GRK1: variants seen among roughly 807,000 people sequenced by gnomAD.
GRK1 encodes rhodopsin kinase GRK1.
A neutral mutation model predicts 41.7 loss-of-function variants in GRK1; 28 were observed. The ratio of observed to expected loss-of-function variants is 0.67; its 90% CI spans 0.50 to 0.92. The LOEUF (loss-of-function observed/expected upper bound fraction) is 0.92, where lower values mean the gene tolerates loss of function less well. Ranked by LOEUF, GRK1 falls within the 40% of genes least tolerant of loss-of-function variation. GRK1 has a pLI of 0.00. For missense variants in GRK1, 703 were observed against 671.2 expected (o/e 1.05, Z -0.52); for synonymous variants, 327 against 286.7 (o/e 1.14, Z -1.42).
chr13:113,730,048 C>G (rs1409938848), intron 4 of GRK1, among the ~76,000 whole-genome samples: 1 of 149,886 alleles, frequency 6.7e-6, no homozygotes, highest in Non-Finnish European at 1.5e-5. Context: ...CACCCAGACC[C>G]GTCCCTCCAT....
intron 6 of GRK1, among the ~76,000 whole-genome samples, chr13:113,733,506 TGCACGTGTGTGTGCATGTGTGC>T (rs1304174994): frequency 6.8e-6 from 1 of 146,116 alleles, no homozygotes; most frequent in Non-Finnish European, 1.5e-5. Flanking sequence ...TGTATGTGTG[TGCACGTGTGTGTGCATGTGTGC>T]GCGTGTGTGC....
intron 6 of GRK1, among the ~76,000 whole-genome samples, chr13:113,734,019 TGTGC>T (rs1302266502): frequency 2.8e-5 from 4 of 143,322 alleles, no homozygotes; most frequent in Non-Finnish European, 6.0e-5. Context: ...CGTGCATGTG[TGTGC>T]GTGCGTGTGC....
At chr13:113,733,520 C>T (rs372477478) in intron 6 of GRK1, among the ~76,000 whole-genome samples, 16,354 of 131,176 alleles carry the variant, frequency 0.12, 1,061 homozygotes, top group Middle Eastern at 0.22. Context: ...CGTGTGTGTG[C>T]ATGTGTGCGC....
At chr13:113,669,597 G>A (rs2049842446) in intron 1 of GRK1, 90 bp from the exon 2 acceptor site, 1 of 1,516,352 alleles carries the variant, frequency 6.6e-7, no homozygotes, top group African/African-American at 1.4e-5. Context: ...GCTGTGTGCA[G>A]TGGGCGTGGC....
chr13:113,659,068 G>C, the GRK1 span, among the ~76,000 whole-genome samples: 3 of 152,220 alleles, frequency 2.0e-5, no homozygotes, highest in African/African-American at 7.2e-5. Flanking sequence ...CCGGGGCAGG[G>C]ACCATGAAGT....
chr13:113,731,140 C>A lies in GRK1; in HGVS notation c.1070-79C>A. 6.7e-7 allele frequency: 1 copy of A among 1,491,994 alleles called. No individual in the cohort carries two copies. Among genetic ancestry groups the A allele is most frequent in the Non-Finnish European group, 8.9e-7 (1 of 1,119,104 alleles). 92.4% of individuals were successfully genotyped at this position (1,491,994 alleles called of 1,614,324 possible). On this transcript the variant is annotated intron_variant, in intron 4 of 6. Transcript: ENST00000335678. The surrounding 1 kb of genome is among the most constrained non-coding windows in gnomAD (Gnocchi z 5.6). ...CCCCGGGGGGGATGCATCCCCAGAGCATCAGTCCTGCGATTCCTGGAGTGC... is the reference window on the plus strand; with the variant it reads ...CCCCGGGGGGGATGCATCCCCAGAGAATCAGTCCTGCGATTCCTGGAGTGC...
chr13:113,672,194 T>G (rs1010037691), intron 3 of GRK1, among the ~76,000 whole-genome samples: 3 of 150,634 alleles, frequency 2.0e-5, no homozygotes, highest in Non-Finnish European at 3.0e-5. Context: ...TTGTGGGGTG[T>G]GTGTGTGTGT....
rs1454529113 is a variant in GRK1 at position 113,733,978 on chromosome 13, G to A, written c.1396+893G>A. Among the ~76,000 whole-genome samples the A allele has an allele frequency of 5.5e-4, 70 of 127,608 alleles. 1 individual carries two copies. In the East Asian group the frequency reaches 8.5e-3, roughly 16 times the overall value. The allele number at this position is 127,608 out of a possible 152,430, so 83.7% of individuals were successfully genotyped here. On this transcript the variant is annotated intron_variant, in intron 6 of 6. Transcript: ENST00000335678. ...TGCATACGTGTGTGTGCGTGTGTGC[G>A]CATGTGTGTGCATACATGTGTGTGC...
chr13:113,729,934 A>G (rs2049922252), intron 4 of GRK1, among the ~76,000 whole-genome samples: 1 of 143,860 alleles, frequency 7.0e-6, no homozygotes, highest in African/African-American at 2.6e-5. Context: ...CTCCATCCCA[A>G]GACAGTCCCC....
intron 4 of GRK1, among the ~76,000 whole-genome samples, chr13:113,727,911 G>A (rs2049901590): frequency 3.1e-5 from 3 of 95,924 alleles, no homozygotes; most frequent in African/African-American, 3.8e-5. Context: ...GCAATGAGGA[G>A]TACCCATGGC....
chr13:113,725,220 A>G (rs2049883562), intron 4 of GRK1, among the ~76,000 whole-genome samples: 1 of 152,216 alleles, frequency 6.6e-6, no homozygotes, highest in Non-Finnish European at 1.5e-5. Flanking sequence ...AGCCATAAGA[A>G]GCCTGTCGGG....
Position 113,667,467 on chromosome 13 carries a change from C to A in GRK1, c.81C>A (p.Ser27=). The part of the protein sequence containing the change: ...AARGSFDGSS[S]QPSRDKKYLA... ...GAGGCAGCTTTGACGGCAGCAGCTC[C>A]CAACCCTCCCGGGACAAGAAGTACC... is the stretch of plus-strand genomic sequence containing the variant. The change falls in exon 1 of 7, where the codon TCC becomes TCA. Residue 27 remains serine (S), a synonymous_variant. Transcript: ENST00000335678. The surrounding 1 kb of genome is among the most constrained non-coding windows in gnomAD (Gnocchi z 7.5). 1 of 1,610,276 alleles carries A rather than the reference C, an allele frequency of 6.2e-7. No individual in the cohort carries two copies. The highest frequency in any genetic ancestry group is 8.5e-7 in the Non-Finnish European group (1 of 1,178,186).
At chr13:113,660,467 G>C in the GRK1 span, among the ~76,000 whole-genome samples, 1 of 152,162 alleles carries the variant, frequency 6.6e-6, no homozygotes, top group African/African-American at 2.4e-5. Flanking sequence ...GCTGAAGTGG[G>C]GTCAGAGAAA....
At position 113,671,965 on chromosome 13, in the gene GRK1, T is replaced by A. The variant is rs2049860539; in HGVS notation, c.985+309T>A. On this transcript the variant is annotated intron_variant, in intron 3 of 6. Transcript: ENST00000335678. The surrounding 1 kb of genome is among the most constrained non-coding windows in gnomAD (Gnocchi z 4.1). ...CAGAAATAAACACGAGGGTTTAGGC[T>A]CCCGACAGCGGCAGGTCAGGCAAGT... 6.6e-6 allele frequency among the ~76,000 whole-genome samples: 1 copy of A among 151,272 alleles called. No homozygotes were observed. Among genetic ancestry groups the A allele is most frequent in the African/African-American group, 2.4e-5 (1 of 41,040 alleles).
At chr13:113,656,348 C>G in the GRK1 span, among the ~76,000 whole-genome samples, 1 of 152,150 alleles carries the variant, frequency 6.6e-6, no homozygotes, top group Non-Finnish European at 1.5e-5. Flanking sequence ...CCGTGGTGCA[C>G]AGTGGAGATG....
chr13:113,656,195 C>T, the GRK1 span, among the ~76,000 whole-genome samples: 1 of 152,164 alleles, frequency 6.6e-6, no homozygotes, highest in African/African-American at 2.4e-5. Flanking sequence ...TGGTGCTGGC[C>T]CTGCAGGTCC....
At chr13:113,655,246 C>T in the GRK1 span, among the ~76,000 whole-genome samples, 2 of 152,184 alleles carry the variant, frequency 1.3e-5, no homozygotes, top group South Asian at 2.1e-4. Context: ...GAGATGTGGC[C>T]GAGGATGCGC....
intron 4 of GRK1, among the ~76,000 whole-genome samples, chr13:113,730,227 C>T (rs1367202407): frequency 7.4e-6 from 1 of 134,568 alleles, no homozygotes; most frequent in African/African-American, 2.9e-5. Context: ...CACAGTCCCC[C>T]AGTCCCCGTG....
At position 113,667,643 on chromosome 13, in the gene GRK1, T is replaced by G. The variant is rs1205350991; in HGVS notation, c.257T>G (p.Leu86Arg). The G allele has an allele frequency of 6.2e-7, 1 of 1,613,524 alleles. No homozygotes were observed. The highest frequency in any genetic ancestry group is 8.5e-7 in the Non-Finnish European group (1 of 1,179,894). Residue 86 changes from leucine (L) to arginine (R), a missense_variant, in exon 1 of 7, where the codon CTG (leucine) becomes CGG (arginine). Leu to Arg is a moderately radical substitution (Grantham distance 102). Transcript: ENST00000335678. This position sits in a 1 kb window ranked among gnomAD's most constrained non-coding sequence, Gnocchi z 7.5. ...LQSAEKHLPA[L>R]ELWKDIEDYD... is the part of the protein sequence containing the mutation. Reference sequence around the variant, plus strand: ...TCGGCAGAGAAGCACCTGCCGGCCCTGGAGCTCTGGAAAGACATCGAGGAC... The same window carrying G: ...TCGGCAGAGAAGCACCTGCCGGCCCGGGAGCTCTGGAAAGACATCGAGGAC...
Sources: allele counts gnomAD v4.1 joint callset (sites outside exome capture counted in the v4.1 genomes callset), GRCh38; gene constraint gnomAD v4.1.1; non-coding constraint Gnocchi (gnomAD v3.1); transcripts MANE v1.5; gene names NCBI Gene and HGNC (gene_info 2026-07-23, HGNC 2026-07-21).